The following ZNF148 variants were observed in gnomAD, a reference collection of about 807,000 sequenced individuals.
ZNF148 encodes zinc finger protein 148.
ZNF148 carries 7 observed loss-of-function variants against 67.7 expected under a neutral mutation model. The ratio of observed to expected loss-of-function variants is 0.10; its 90% CI spans 0.06 to 0.19. The LOEUF is 0.19. Among genes scored for constraint, ZNF148 ranks in the 10% least tolerant of loss-of-function variants. The pLI, the probability that ZNF148 is intolerant of heterozygous loss-of-function variation, is 1.00. For synonymous variants in ZNF148, 333 were observed against 330.7 expected, an observed-to-expected ratio of 1.01 and a Z score of -0.08; for missense variants, 583 against 947.1, an observed-to-expected ratio of 0.62 and a Z score of 5.05.
rs35313913 is a variant in ZNF148 at position 125,261,825 on chromosome 3, G to GCTTTT, written c.667+15900_667+15901insAAAAG. On this transcript the variant is annotated intron_variant, in intron 7 of 8. Coordinates refer to ENST00000360647, the MANE Select transcript of ZNF148 (RefSeq NM_021964.3). ...AAAATAACCTGACAGGGGTTGACAAGTTTTTTTTTTTTTTTTTTTAACACA... is the reference window on the plus strand; with the variant it reads ...AAAATAACCTGACAGGGGTTGACAAGCTTTTTTTTTTTTTTTTTTTTTTTAACACA... 1.4e-4 allele frequency among the ~76,000 whole-genome samples: 20 copies of GCTTTT among 138,974 alleles called. 3 individuals are homozygous for GCTTTT. In the South Asian group the frequency reaches 1.9e-3, roughly 13 times the overall value. The allele number at this position is 138,974 out of a possible 152,430, so 91.2% of individuals were successfully genotyped here.
At chr3:125,244,948 C>T (rs1429459188) in intron 7 of ZNF148, among the ~76,000 whole-genome samples, 1 of 152,188 alleles carries the variant, frequency 6.6e-6, no homozygotes, top group Non-Finnish European at 1.5e-5. Flanking sequence ...AGCTCACCCT[C>T]TTCCTTCCAA....
At chr3:125,343,688 G>A (rs1041535768) in intron 1 of ZNF148, among the ~76,000 whole-genome samples, 9 of 152,056 alleles carry the variant, frequency 5.9e-5, no homozygotes, top group East Asian at 1.9e-4. Flanking sequence ...AGCTAGCCAC[G>A]CCAGCCAGCA....
rs1328172044 is a variant in ZNF148 at position 125,231,332 on chromosome 3, AGAT to A, written c.*1006_*1008del. The stretch of plus-strand genomic sequence containing the variant: ...CCAAAAGTTAAAATTGTCAATTACG[AGAT>A]GATTATGACACAACCATATCAAACC... On this transcript the variant is annotated 3_prime_UTR_variant, in exon 9 of 9. Coordinates refer to ENST00000360647, the MANE Select transcript of ZNF148 (RefSeq NM_021964.3). 3 of 152,546 alleles carry A rather than the reference AGAT, an allele frequency of 2.0e-5. No individual in the cohort carries two copies. The highest frequency in any genetic ancestry group is 4.8e-5 in the African/African-American group (2 of 41,448). The allele number at this position is 152,546 out of a possible 1,614,324, so 9.4% of individuals were successfully genotyped here. A position where few individuals can be genotyped will look rare whatever the true frequency, so the allele number is the denominator to read the frequency against.
At chr3:125,361,233 A>T (rs1440441686) in intron 1 of ZNF148, among the ~76,000 whole-genome samples, 4 of 152,028 alleles carry the variant, frequency 2.6e-5, no homozygotes, top group Non-Finnish European at 5.9e-5. Flanking sequence ...CTTCAGCTTG[A>T]TAAAAAAGGA....
chr3:125,255,412 A>G (rs1039638715), intron 7 of ZNF148, among the ~76,000 whole-genome samples: 1 of 151,488 alleles, frequency 6.6e-6, no homozygotes, highest in Non-Finnish European at 1.5e-5. Flanking sequence ...ATGCCTAGCT[A>G]ATTTTTGTAT....
chr3:125,239,777 G>A (rs1057467473), intron 7 of ZNF148, among the ~76,000 whole-genome samples: 57 of 152,100 alleles, frequency 3.7e-4, no homozygotes, highest in Admixed American at 3.6e-3. Context: ...CAACCAATAA[G>A]TGAATGAAAA....
At chr3:125,368,374 T>C (rs1350068623) in intron 1 of ZNF148, among the ~76,000 whole-genome samples, 1 of 152,196 alleles carries the variant, frequency 6.6e-6, no homozygotes, top group African/African-American at 2.4e-5. Flanking sequence ...TCAACCAACA[T>C]TTATGTAGTG....
intron 1 of ZNF148, among the ~76,000 whole-genome samples, chr3:125,334,538 A>G (rs559458599): frequency 6.6e-6 from 1 of 152,318 alleles, no homozygotes; most frequent in South Asian, 2.1e-4. Context: ...AATATATGCA[A>G]TATGTAAGCA....
At chr3:125,362,846 T>C (rs893721505) in intron 1 of ZNF148, among the ~76,000 whole-genome samples, 2 of 152,186 alleles carry the variant, frequency 1.3e-5, no homozygotes, top group African/African-American at 4.8e-5. Flanking sequence ...TGAGCTACCA[T>C]GCTTGGCCAG....
At chr3:125,365,689 A>G (rs1942680052) in intron 1 of ZNF148, among the ~76,000 whole-genome samples, 1 of 152,148 alleles carries the variant, frequency 6.6e-6, no homozygotes, top group African/African-American at 2.4e-5. Flanking sequence ...GTGGTGGTAC[A>G]TGCCTGTGGT....
At chr3:125,278,805 T>A in intron 6 of ZNF148, among the ~76,000 whole-genome samples, 1 of 152,206 alleles carries the variant, frequency 6.6e-6, no homozygotes, top group East Asian at 1.9e-4. Context: ...TGCCTGGACA[T>A]TTTGCACACA....
rs1351309536 is a variant in ZNF148, at chr3:125,233,437, A to G, written c.1289T>C (p.Val430Ala). The G allele has an allele frequency of 6.2e-7, 1 of 1,613,924 alleles. No homozygotes were observed. The highest frequency in any genetic ancestry group is 8.5e-7 in the Non-Finnish European group (1 of 1,179,934). The change falls in exon 9 of 9, where the codon GTG becomes GCG. Residue 430 changes from valine (V) to alanine (A), a missense_variant. Around this residue, in one of 5 missense-constraint regions of ZNF148, gnomAD observed 172 missense variants for 307.7 expected, o/e 0.56. Coordinates refer to ENST00000360647, the MANE Select transcript of ZNF148 (RefSeq NM_021964.3). This position sits in a 1 kb window ranked among gnomAD's most constrained non-coding sequence, Gnocchi z 5.1. ...SKVSKYAFEL[V>A]DKQALLDSEG... Reference sequence around the variant, plus strand: ...TGAGTCCAGTAAAGCCTGTTTATCCACAAGTTCAAAAGCATACTTTGAAAC... The same window carrying G: ...TGAGTCCAGTAAAGCCTGTTTATCCGCAAGTTCAAAAGCATACTTTGAAAC...
At chr3:125,273,560 C>T (rs1937876628) in intron 7 of ZNF148, among the ~76,000 whole-genome samples, 1 of 145,678 alleles carries the variant, frequency 6.9e-6, no homozygotes, top group Non-Finnish European at 1.5e-5. Context: ...CAATGGCATG[C>T]TCTGCTCACC....
At chr3:125,329,238 GAT>G (rs1037685551) in intron 2 of ZNF148, among the ~76,000 whole-genome samples, 3 of 146,540 alleles carry the variant, frequency 2.0e-5, no homozygotes, top group Admixed American at 6.9e-5. Flanking sequence ...TATATGTATA[GAT>G]ATATATATCT....
intron 3 of ZNF148, among the ~76,000 whole-genome samples, chr3:125,317,679 A>AGAGAGAGAGAGAGAGAGAGAGC (rs61407940): frequency 8.7e-6 from 1 of 114,814 alleles, no homozygotes; most frequent in Non-Finnish European, 1.9e-5. Flanking sequence ...AGAGAGAGAG[A>AGAGAGAGAGAGAGAGAGAGAGC]AATACATATA....
intron 5 of ZNF148, among the ~76,000 whole-genome samples, chr3:125,283,288 C>A (rs1938486858): frequency 6.6e-6 from 1 of 152,074 alleles, no homozygotes; most frequent in African/African-American, 2.4e-5. Flanking sequence ...TATTGTTTCT[C>A]AGTACTAGAT....
chr3:125,271,147 G>A (rs946880503), intron 7 of ZNF148, among the ~76,000 whole-genome samples: 1 of 151,874 alleles, frequency 6.6e-6, no homozygotes, highest in Non-Finnish European at 1.5e-5. Context: ...TTTTAACATG[G>A]CAGTTAAATG....
intron 1 of ZNF148, among the ~76,000 whole-genome samples, chr3:125,371,372 A>AAGG (rs1942875272): frequency 1.5e-5 from 1 of 65,368 alleles, no homozygotes; most frequent in East Asian, 5.5e-4. Context: ...AAAAAAAAAA[A>AAGG]GGGGGGGGGG....
At chr3:125,373,464 T>C (rs1942957189) in intron 1 of ZNF148, among the ~76,000 whole-genome samples, 1 of 151,976 alleles carries the variant, frequency 6.6e-6, no homozygotes, top group South Asian at 2.1e-4. Context: ...AGCCCAGAGT[T>C]CCCTCTTGGA....
Sources: allele counts gnomAD v4.1 joint callset (sites outside exome capture counted in the v4.1 genomes callset), GRCh38; gene constraint gnomAD v4.1.1; regional missense constraint gnomAD v4.1.1; non-coding constraint Gnocchi (gnomAD v3.1); transcripts MANE v1.5; gene names NCBI Gene and HGNC (gene_info 2026-07-23, HGNC 2026-07-21).